The following DIAPH3 variants were observed in gnomAD, a reference collection of about 807,000 sequenced individuals.
DIAPH3 encodes the protein diaphanous related formin 3.
A neutral mutation model predicts 144.3 loss-of-function variants in DIAPH3; 117 were observed. The ratio of observed to expected loss-of-function variants is 0.81; its 90% CI spans 0.70 to 0.95. The LOEUF (loss-of-function observed/expected upper bound fraction) is 0.95. DIAPH3 is among the 40% of genes least tolerant of loss of function. The pLI is 0.00. For missense variants in DIAPH3, 1,421 were observed against 1,412.7 expected, an observed-to-expected ratio of 1.01 and a Z score of -0.09; for synonymous variants, 519 against 488.9, an observed-to-expected ratio of 1.06 and a Z score of -0.81.
intron 25 of DIAPH3, among the ~76,000 whole-genome samples, chr13:59,784,434 GGT>G (rs1438280108): frequency 2.0e-5 from 3 of 151,642 alleles, no homozygotes; most frequent in African/African-American, 2.4e-5. Flanking sequence ...GGAGTGAAGT[GGT>G]GTAATCTCAG....
chr13:59,778,405 T>C (rs2038540481), intron 25 of DIAPH3, among the ~76,000 whole-genome samples: 1 of 152,244 alleles, frequency 6.6e-6, no homozygotes, highest in Non-Finnish European at 1.5e-5. Context: ...GACTATTATA[T>C]AGAGAGTGTT....
chr13:60,060,737 G>A (rs1461752447), intron 4 of DIAPH3, among the ~76,000 whole-genome samples: 2 of 151,378 alleles, frequency 1.3e-5, no homozygotes, highest in African/African-American at 4.9e-5. Context: ...TAAAAGAGAG[G>A]GTAAAAAGGA....
intron 17 of DIAPH3, among the ~76,000 whole-genome samples, chr13:59,928,439 G>A (rs1481109867): frequency 6.6e-6 from 1 of 152,100 alleles, no homozygotes; most frequent in Non-Finnish European, 1.5e-5. Flanking sequence ...GAGGTATCAT[G>A]TTTCCTTTCT....
chr13:59,769,819 A>G (rs2038032877), intron 27 of DIAPH3, among the ~76,000 whole-genome samples: 2 of 152,014 alleles, frequency 1.3e-5, no homozygotes. Context: ...CAAACACCAT[A>G]CTATGATATT....
At chr13:59,989,395 AT>A (rs1356670179) in intron 12 of DIAPH3, among the ~76,000 whole-genome samples, 5 of 151,818 alleles carry the variant, frequency 3.3e-5, no homozygotes, top group South Asian at 2.1e-4. Context: ...TTTTTAAGAA[AT>A]TTTTTTAAAG....
intron 5 of DIAPH3, among the ~76,000 whole-genome samples, chr13:60,017,917 C>T (rs928837118): frequency 6.6e-6 from 1 of 152,148 alleles, no homozygotes; most frequent in East Asian, 1.9e-4. Flanking sequence ...CACAGATTAT[C>T]TGTAGGCATT....
chr13:60,084,118 T>C (rs2057672301), intron 4 of DIAPH3, among the ~76,000 whole-genome samples: 1 of 151,870 alleles, frequency 6.6e-6, no homozygotes. Context: ...AGAAAGAAAC[T>C]CGAGGAAATG....
At chr13:59,946,879 T>C (rs1046554659) in intron 17 of DIAPH3, among the ~76,000 whole-genome samples, 9 of 152,244 alleles carry the variant, frequency 5.9e-5, no homozygotes, top group South Asian at 2.1e-4. Context: ...TAAGATAAAA[T>C]GGATGCTGAA....
At chr13:60,149,146 C>T (rs1411160462) in intron 1 of DIAPH3, among the ~76,000 whole-genome samples, 1 of 152,112 alleles carries the variant, frequency 6.6e-6, no homozygotes, top group Non-Finnish European at 1.5e-5. Flanking sequence ...ATTTCAGCAC[C>T]ATTACAGGAT....
intron 27 of DIAPH3, among the ~76,000 whole-genome samples, chr13:59,718,888 T>C (rs1371954350): frequency 6.6e-6 from 1 of 152,112 alleles, no homozygotes; most frequent in Non-Finnish European, 1.5e-5. Context: ...TTCAAATTCA[T>C]ATATTTTAGT....
chr13:60,149,080 G>A (rs1328387638), intron 1 of DIAPH3, among the ~76,000 whole-genome samples: 2 of 152,214 alleles, frequency 1.3e-5, no homozygotes, highest in African/African-American at 4.8e-5. Context: ...TCAAGGGAAA[G>A]TTGAGGAAAG....
At chr13:59,774,156 A>T in intron 27 of DIAPH3, 33 bp downstream of exon 27, 5 of 1,603,886 alleles carry the variant, frequency 3.1e-6, no homozygotes, top group Non-Finnish European at 4.3e-6. Flanking sequence ...AGTAGATAAG[A>T]AGAATGTGCA....
At chr13:59,848,687 G>A (rs1335579917) in intron 22 of DIAPH3, among the ~76,000 whole-genome samples, 8 of 95,072 alleles carry the variant, frequency 8.4e-5, no homozygotes, top group Non-Finnish European at 1.7e-4. Flanking sequence ...TGGTGTATAT[G>A]TGCCACATTT....
intron 22 of DIAPH3, among the ~76,000 whole-genome samples, chr13:59,845,727 C>T (rs1174274333): frequency 1.3e-5 from 2 of 152,220 alleles, no homozygotes; most frequent in East Asian, 1.9e-4. Flanking sequence ...TCAAAAACTA[C>T]AGCAAGTACA....
At chr13:60,096,901 C>T (rs2058119129) in intron 3 of DIAPH3, among the ~76,000 whole-genome samples, 1 of 152,186 alleles carries the variant, frequency 6.6e-6, no homozygotes, top group Admixed American at 6.5e-5. Flanking sequence ...GCTGACTTCC[C>T]TGGTTCTCCA....
intron 24 of DIAPH3, among the ~76,000 whole-genome samples, chr13:59,820,699 CTTATT>C (rs1470890206): frequency 2.0e-5 from 3 of 150,794 alleles, no homozygotes; most frequent in African/African-American, 7.3e-5. Flanking sequence ...GTATATCAGT[CTTATT>C]TTATGTTATA....
intron 21 of DIAPH3, among the ~76,000 whole-genome samples, chr13:59,871,608 C>T (rs540796123): frequency 6.6e-6 from 1 of 152,242 alleles, no homozygotes; most frequent in Admixed American, 6.5e-5. Context: ...AAATGTCGCA[C>T]CCAGCCAGGA....
At chr13:59,943,014 T>C (rs1450206563) in intron 17 of DIAPH3, among the ~76,000 whole-genome samples, 1 of 152,196 alleles carries the variant, frequency 6.6e-6, no homozygotes, top group African/African-American at 2.4e-5. Context: ...TGCATATTTT[T>C]CCATATATAT....
chr13:59,677,922 G>A (rs748460502), intron 27 of DIAPH3, among the ~76,000 whole-genome samples: 2 of 152,110 alleles, frequency 1.3e-5, no homozygotes, highest in Admixed American at 6.6e-5. Flanking sequence ...CAAGCCTACT[G>A]TTGCTACTGT....
Sources: allele counts gnomAD v4.1 joint callset (sites outside exome capture counted in the v4.1 genomes callset), GRCh38; gene constraint gnomAD v4.1.1; transcripts MANE v1.5; gene names NCBI Gene and HGNC (gene_info 2026-07-23, HGNC 2026-07-21).